Variants in RGS5 observed in about 807,000 individuals in gnomAD.
RGS5 encodes the protein regulator of G-protein signalling 5.
Under a neutral mutation model 18.9 loss-of-function variants are expected in RGS5, and 20 were observed. That is an observed-to-expected ratio of 1.06 (90% CI 0.74 to 1.54). The LOEUF is 1.54. Among genes scored for constraint, RGS5 ranks in the 40% most tolerant of loss-of-function variants. The pLI is 0.00. For missense variants in RGS5, 201 were observed against 211.8 expected (o/e 0.95, Z 0.32); for synonymous variants, 57 against 76.2 (o/e 0.75, Z 1.31).
chr1:163,276,126 C>G (rs1648846266), intron 2 of RGS5, among the ~76,000 whole-genome samples: 1 of 152,092 alleles, frequency 6.6e-6, no homozygotes, highest in African/African-American at 2.4e-5. Context: ...TCTGGAGTAG[C>G]TGGGATTACA....
intron 2 of RGS5, among the ~76,000 whole-genome samples, chr1:163,254,856 T>G (rs1218418355): frequency 9.9e-5 from 15 of 151,716 alleles, no homozygotes; most frequent in Admixed American, 5.9e-4. Flanking sequence ...AGTTTCAGCT[T>G]TCTACATATG....
intron 2 of RGS5, among the ~76,000 whole-genome samples, chr1:163,277,186 T>A (rs12142245): frequency 0.049 from 7,512 of 152,222 alleles, 222 homozygotes; most frequent in South Asian, 0.093. Flanking sequence ...CAACTGCCAA[T>A]CAGAAAATCT....
intron 3 of RGS5, among the ~76,000 whole-genome samples, chr1:163,155,288 T>C (rs553323690): frequency 6.6e-6 from 1 of 152,310 alleles, no homozygotes; most frequent in South Asian, 2.1e-4. Flanking sequence ...TATGCCGGGA[T>C]TCCACAGAAA....
intron 2 of RGS5, among the ~76,000 whole-genome samples, chr1:163,256,124 G>C (rs1231404368): frequency 6.6e-6 from 1 of 152,148 alleles, no homozygotes; most frequent in Non-Finnish European, 1.5e-5. Flanking sequence ...AGTTAGGCAG[G>C]AGAAGGAAAT....
intron 2 of RGS5, among the ~76,000 whole-genome samples, chr1:163,239,823 T>C (rs1033094698): frequency 3.2e-5 from 3 of 94,686 alleles, no homozygotes; most frequent in African/African-American, 1.5e-4. Flanking sequence ...TATGTAGACG[T>C]TTTTTAAAAT....
rs1441238274 is a variant in RGS5 at position 163,284,872 on chromosome 1, A to G, written c.-281+21361T>C. Among the ~76,000 whole-genome samples, 5 of 151,358 alleles carry G rather than the reference A, an allele frequency of 3.3e-5. No homozygotes were observed. The East Asian group carries it at 9.7e-4, about 29-fold the overall frequency. ...CTAGGATATGTCCCATGGTAAATGT[A>G]TTAGTCCGTTTTTATGCTGCTGATA... is the stretch of plus-strand genomic sequence containing the variant. On this transcript the variant is annotated intron_variant, in intron 2 of 5. Transcript: ENST00000618415.
intron 1 of RGS5, among the ~76,000 whole-genome samples, chr1:163,174,212 C>A (rs1658437621): frequency 1.3e-5 from 2 of 152,286 alleles, no homozygotes; most frequent in Non-Finnish European, 2.9e-5. Flanking sequence ...ATTTTCCATT[C>A]ATGGCATTTT....
At chr1:163,250,381 T>A (rs1648073730) in intron 2 of RGS5, among the ~76,000 whole-genome samples, 1 of 152,220 alleles carries the variant, frequency 6.6e-6, no homozygotes, top group Non-Finnish European at 1.5e-5. Context: ...TGAACCCAAT[T>A]ATGAATATTG....
chr1:163,313,023 A>G (rs72695989), intron 1 of RGS5, among the ~76,000 whole-genome samples: 2,202 of 152,318 alleles, frequency 0.014, 20 homozygotes, highest in Non-Finnish European at 0.025. Context: ...AACCTAAAAT[A>G]AAAATATAAC....
chr1:163,231,654 G>T (rs1447602142), intron 2 of RGS5, among the ~76,000 whole-genome samples: 2 of 150,720 alleles, frequency 1.3e-5, no homozygotes. Context: ...ATTTGGTACT[G>T]TTGCCTTTTG....
chr1:163,163,205 C>T (rs1657886350), intron 2 of RGS5, among the ~76,000 whole-genome samples: 1 of 152,076 alleles, frequency 6.6e-6, no homozygotes, highest in Non-Finnish European at 1.5e-5. Context: ...TGAATAATCC[C>T]TTTACTTCTC....
chr1:163,296,265 C>A (rs1649416866), intron 2 of RGS5, among the ~76,000 whole-genome samples: 1 of 152,134 alleles, frequency 6.6e-6, no homozygotes, highest in Non-Finnish European at 1.5e-5. Context: ...CTATAGTACA[C>A]CTGTTATTAG....
intron 2 of RGS5, among the ~76,000 whole-genome samples, chr1:163,283,403 C>G (rs1240303522): frequency 6.6e-6 from 1 of 152,078 alleles, no homozygotes. Context: ...CACTCTGCAG[C>G]CCATGACTAT....
intron 2 of RGS5, among the ~76,000 whole-genome samples, chr1:163,165,874 C>G (rs1378789041): frequency 6.6e-6 from 1 of 150,808 alleles, no homozygotes; most frequent in Admixed American, 6.6e-5. Flanking sequence ...CCATTGCACT[C>G]CAGCCTGGGC....
At chr1:163,156,051 A>C (rs2102387129) in intron 3 of RGS5, among the ~76,000 whole-genome samples, 1 of 152,316 alleles carries the variant, frequency 6.6e-6, no homozygotes, top group East Asian at 1.9e-4. Flanking sequence ...GACAAATCCA[A>C]GTCAGTTTGC....
intron 3 of RGS5, among the ~76,000 whole-genome samples, chr1:163,158,383 G>T (rs1657668748): frequency 6.6e-6 from 1 of 152,188 alleles, no homozygotes; most frequent in Non-Finnish European, 1.5e-5. Context: ...ATAGAGTGAT[G>T]GTAAGAGTAG....
intron 4 of RGS5, among the ~76,000 whole-genome samples, chr1:163,150,943 G>T (rs557560604): frequency 6.6e-6 from 1 of 152,240 alleles, no homozygotes; most frequent in African/African-American, 2.4e-5. Flanking sequence ...GTAGATTTCT[G>T]CCTACTCAAC....
intron 1 of RGS5, among the ~76,000 whole-genome samples, chr1:163,177,747 T>C (rs1166897247): frequency 6.6e-6 from 1 of 152,170 alleles, no homozygotes; most frequent in Non-Finnish European, 1.5e-5. Context: ...ATAATAATAA[T>C]AGCTTAAATA....
chr1:163,278,531 G>T (rs1349123860), intron 2 of RGS5, among the ~76,000 whole-genome samples: 1 of 152,104 alleles, frequency 6.6e-6, no homozygotes, highest in African/African-American at 2.4e-5. Flanking sequence ...AAACACAGAA[G>T]TATTAACTCA....
Sources: gnomAD v4.1 joint callset for allele counts (sites outside exome capture counted in the v4.1 genomes callset) on GRCh38, gnomAD v4.1.1 for gene constraint, MANE v1.5 for transcripts, NCBI Gene and HGNC (gene_info 2026-07-23, HGNC 2026-07-21) for gene names.